Variants in CPNE8 observed in about 807,000 individuals in gnomAD.
CPNE8 encodes copine 8, also known as copine-8.
A neutral mutation model predicts 81.5 loss-of-function variants in CPNE8; 45 were observed. The observed-to-expected ratio is 0.55, with a 90% CI of 0.44 to 0.71. The LOEUF is 0.71. Ranked by LOEUF, CPNE8 falls within the 30% of genes least tolerant of loss-of-function variation. CPNE8 has a pLI of 0.00. For missense variants in CPNE8, 594 were observed against 672.1 expected (o/e 0.88, Z 1.28); for synonymous variants, 252 against 226.3 (o/e 1.11, Z -1.02).
At chr12:38,894,668 T>TCC in intron 1 of CPNE8, among the ~76,000 whole-genome samples, 1 of 12,102 alleles carries the variant, frequency 8.3e-5, no homozygotes, top group Admixed American at 1.3e-3. Context: ...ACTCTCTCTC[T>TCC]CTCTCTCTCT....
At chr12:38,829,562 T>C (rs1341266566) in intron 5 of CPNE8, 107 bp from the exon 6 acceptor site, 3 of 748,502 alleles carry the variant, frequency 4.0e-6, no homozygotes, top group Middle Eastern at 7.0e-4. Flanking sequence ...AATATTGACA[T>C]TTCTAACTTC....
chr12:38,815,742 A>C (rs1253771609), intron 6 of CPNE8, among the ~76,000 whole-genome samples: 1 of 152,192 alleles, frequency 6.6e-6, no homozygotes, highest in African/African-American at 2.4e-5. Context: ...ATTAGACTAA[A>C]TGGGATCTCA....
At chr12:38,749,891 A>G (rs577407542) in intron 10 of CPNE8, among the ~76,000 whole-genome samples, 1 of 152,206 alleles carries the variant, frequency 6.6e-6, no homozygotes, top group Non-Finnish European at 1.5e-5. Flanking sequence ...AGAAATTTGC[A>G]TAAGGAAGGA....
Position 38,653,731 on chromosome 12 carries a change from G to T in CPNE8, c.*151C>A. The T allele has an allele frequency of 8.5e-7, 1 of 1,180,972 alleles. No homozygotes were observed. The highest frequency in any genetic ancestry group is 1.1e-6 in the Non-Finnish European group (1 of 906,312). The allele number at this position is 1,180,972 out of a possible 1,614,324, so 73.2% of individuals were successfully genotyped here. A position where few individuals can be genotyped will look rare whatever the true frequency, so the allele number is the denominator to read the frequency against. ...CATATTTACAGTTTTGGTTTAGGAA[G>T]ATATTTAAATTTGGATCCAAGAAAG... On this transcript the variant is annotated 3_prime_UTR_variant, in exon 20 of 20. Coordinates refer to ENST00000331366, the MANE Select transcript of CPNE8 (RefSeq NM_153634.3).
chr12:38,899,235 T>G (rs1173689434), intron 1 of CPNE8, among the ~76,000 whole-genome samples: 1 of 152,032 alleles, frequency 6.6e-6, no homozygotes, highest in African/African-American at 2.4e-5. Context: ...TATTAGGAGG[T>G]AGGGCCTTTG....
At chr12:38,717,082 G>C (rs1935295852) in intron 13 of CPNE8, among the ~76,000 whole-genome samples, 1 of 151,720 alleles carries the variant, frequency 6.6e-6, no homozygotes, top group Admixed American at 6.6e-5. Context: ...TTAAAACCAT[G>C]ATGAGATACC....
intron 3 of CPNE8, among the ~76,000 whole-genome samples, chr12:38,862,409 A>G (rs1943850950): frequency 6.6e-6 from 1 of 152,152 alleles, no homozygotes; most frequent in East Asian, 1.9e-4. Flanking sequence ...GTTGTGGGGC[A>G]TCTTGTCAGC....
At chr12:38,875,458 G>A (rs1331760219) in intron 1 of CPNE8, among the ~76,000 whole-genome samples, 1 of 152,056 alleles carries the variant, frequency 6.6e-6, no homozygotes, top group African/African-American at 2.4e-5. Flanking sequence ...TAATTAAAAT[G>A]GAGTAGCTAA....
At chr12:38,709,694 C>A (rs1940201844) in intron 13 of CPNE8, among the ~76,000 whole-genome samples, 1 of 152,110 alleles carries the variant, frequency 6.6e-6, no homozygotes, top group African/African-American at 2.4e-5. Flanking sequence ...TAATGCTTAT[C>A]AAATTTCTGG....
chr12:38,718,289 T>C (rs940963874), intron 13 of CPNE8, among the ~76,000 whole-genome samples: 1 of 152,156 alleles, frequency 6.6e-6, no homozygotes, highest in African/African-American at 2.4e-5. Flanking sequence ...TTTAGCTGAC[T>C]TGTTAAAAAA....
At chr12:38,655,383 C>A (rs530144316) in intron 19 of CPNE8, among the ~76,000 whole-genome samples, 1 of 152,152 alleles carries the variant, frequency 6.6e-6, no homozygotes, top group African/African-American at 2.4e-5. Flanking sequence ...ATGCTTGATG[C>A]AACTTTGAAG....
intron 15 of CPNE8, among the ~76,000 whole-genome samples, chr12:38,689,006 T>A (rs1283968128): frequency 6.6e-6 from 1 of 152,198 alleles, no homozygotes; most frequent in Non-Finnish European, 1.5e-5. Context: ...CTTGAAATAA[T>A]TATGCAGGGA....
intron 13 of CPNE8, among the ~76,000 whole-genome samples, chr12:38,720,221 A>G (rs1940524673): frequency 6.6e-6 from 1 of 152,218 alleles, no homozygotes; most frequent in South Asian, 2.1e-4. Context: ...GCTAAGGAAA[A>G]GAATCCTAAG....
chr12:38,795,397 C>T (rs142123370), intron 6 of CPNE8, among the ~76,000 whole-genome samples: 1,546 of 152,266 alleles, frequency 0.01, 12 homozygotes, highest in Admixed American at 0.018. Context: ...TAATTGAAAG[C>T]AGGGTCTTGA....
chr12:38,666,472 G>C (rs1051080487), intron 19 of CPNE8, among the ~76,000 whole-genome samples: 1 of 152,142 alleles, frequency 6.6e-6, no homozygotes, highest in African/African-American at 2.4e-5. Context: ...TGGGGACAAA[G>C]TGAAAATTCA....
chr12:38,893,518 A>G (rs1944342760), intron 1 of CPNE8, among the ~76,000 whole-genome samples: 1 of 152,300 alleles, frequency 6.6e-6, no homozygotes, highest in Admixed American at 6.5e-5. Context: ...GGTTTAGCAT[A>G]TAATCAAGAA....
intron 6 of CPNE8, among the ~76,000 whole-genome samples, chr12:38,796,182 G>T (rs984861591): frequency 6.6e-6 from 1 of 152,094 alleles, no homozygotes; most frequent in Non-Finnish European, 1.5e-5. Context: ...AGCTACTTGG[G>T]AGGCTAAGGC....
chr12:38,837,619 A>ATTT (rs1943405719), intron 5 of CPNE8, among the ~76,000 whole-genome samples: 1 of 152,124 alleles, frequency 6.6e-6, no homozygotes, highest in Non-Finnish European at 1.5e-5. Flanking sequence ...ATAATGGGTA[A>ATTT]ACAGGGAGGC....
rs915127187 is a variant in CPNE8 at position 38,883,543 on chromosome 12, A to G, written c.99-9032T>C. On this transcript the variant is annotated intron_variant, in intron 1 of 19. Transcript: ENST00000331366. ...GAGTGATTGGGAGCTTGATGAATAC[A>G]TAATAGTCAATAATTCTCCTGGGTA... 2.6e-5 allele frequency among the ~76,000 whole-genome samples: 4 copies of G among 152,242 alleles called. No homozygotes were observed. The East Asian group carries it at 7.7e-4, about 29-fold the overall frequency.
Sources: allele counts gnomAD v4.1 joint callset (sites outside exome capture counted in the v4.1 genomes callset), GRCh38; gene constraint gnomAD v4.1.1; transcripts MANE v1.5; gene names NCBI Gene and HGNC (gene_info 2026-07-23, HGNC 2026-07-21).